WWTR1: variants seen among roughly 807,000 people sequenced by gnomAD.
The protein encoded by WWTR1 is WW domain-containing transcription regulator protein 1.
Under a neutral mutation model 40.1 loss-of-function variants are expected in WWTR1, and 13 were observed. The ratio of observed to expected loss-of-function variants is 0.32; its 90% CI spans 0.21 to 0.52. The LOEUF (loss-of-function observed/expected upper bound fraction) is 0.52. Among genes scored for constraint, WWTR1 ranks in the 20% least tolerant of loss-of-function variants. WWTR1 has a pLI of 0.97. For synonymous variants in WWTR1, 230 were observed against 210.1 expected (o/e 1.09, Z -0.82); for missense variants, 436 against 523.1 (o/e 0.83, Z 1.63).
intron 4 of WWTR1, among the ~76,000 whole-genome samples, chr3:149,719,821 GT>G (rs1402718808): frequency 6.6e-6 from 1 of 152,154 alleles, no homozygotes; most frequent in Non-Finnish European, 1.5e-5. Context: ...GGGTGTCCAG[GT>G]GGCTCTCACT....
chr3:149,637,354 T>C lies in WWTR1; in HGVS notation c.431+19522A>G, dbSNP rs1217249842. 2.0e-5 allele frequency among the ~76,000 whole-genome samples: 3 copies of C among 151,960 alleles called. No homozygotes were observed. The South Asian group carries it at 6.2e-4, about 32-fold the overall frequency. On this transcript the variant is annotated intron_variant, in intron 2 of 6. Transcript: ENST00000360632. ...AATTCTCCTGCCTCAGCCTCCCCAG[T>C]AGCTGGGATTACAGGGGTGTGCCAC...
chr3:149,614,853 T>A (rs1028490145), intron 2 of WWTR1, among the ~76,000 whole-genome samples: 1 of 151,986 alleles, frequency 6.6e-6, no homozygotes, highest in African/African-American at 2.4e-5. Flanking sequence ...TATGGTGGCA[T>A]GCACCTGTAG....
intron 2 of WWTR1, chr3:149,575,947 C>T (rs148610176): frequency 3.3e-4 from 151 of 456,452 alleles, no homozygotes; most frequent in African/African-American, 2.4e-3. Flanking sequence ...GGAGCCTCCA[C>T]GGCCCACCCT....
chr3:149,676,649 C>T (rs1172395415), intron 1 of WWTR1, among the ~76,000 whole-genome samples: 2 of 152,100 alleles, frequency 1.3e-5, no homozygotes, highest in African/African-American at 4.8e-5. Context: ...ATTAGAGAGA[C>T]TAAGTAATTT....
chr3:149,582,029 A>G (rs899726322), intron 2 of WWTR1, among the ~76,000 whole-genome samples: 2 of 152,120 alleles, frequency 1.3e-5, no homozygotes, highest in African/African-American at 4.8e-5. Context: ...GTGGGAAAAA[A>G]AAGTGGCACT....
At chr3:149,700,594 A>AAAATTAAATT (rs147804619) in intron 1 of WWTR1, among the ~76,000 whole-genome samples, 2,922 of 151,874 alleles carry the variant, frequency 0.019, 60 homozygotes, top group South Asian at 0.089. Flanking sequence ...AAAAGACAAA[A>AAAATTAAATT]AAATTAAATT....
At chr3:149,690,471 C>T (rs561956750) in intron 1 of WWTR1, among the ~76,000 whole-genome samples, 38 of 152,064 alleles carry the variant, frequency 2.5e-4, no homozygotes, top group African/African-American at 7.9e-4. Context: ...AGTAGCTATA[C>T]TTAGACAAAA....
At chr3:149,647,375 G>A (rs1208141435) in intron 2 of WWTR1, among the ~76,000 whole-genome samples, 1 of 152,178 alleles carries the variant, frequency 6.6e-6, no homozygotes, top group Non-Finnish European at 1.5e-5. Flanking sequence ...TGAGAGGGAG[G>A]CCACTGGCTG....
Position 149,695,285 on chromosome 3 carries a change from T to A in WWTR1, c.-108+7839A>T, listed in dbSNP as rs368614370. ...GACTACAGCCAACAATAATTTATTG[T>A]ACATTTTAAAATAAGAATATAATCT... On this transcript the variant is annotated intron_variant, in intron 1 of 7. Coordinates refer to the WWTR1 transcript ENST00000465804. Among the ~76,000 whole-genome samples, 11 of 152,258 alleles carry A rather than the reference T, an allele frequency of 7.2e-5. No individual in the cohort carries two copies. The South Asian group carries it at 2.1e-3, about 29-fold the overall frequency.
chr3:149,572,836 T>C, intron 3 of WWTR1, 28 bp downstream of exon 3: 1 of 1,610,488 alleles, frequency 6.2e-7, no homozygotes, highest in Non-Finnish European at 8.5e-7. Context: ...AAATATCTTT[T>C]TTAATTTTAA....
intron 2 of WWTR1, among the ~76,000 whole-genome samples, chr3:149,585,464 T>A (rs1576579468): frequency 6.6e-6 from 1 of 152,158 alleles, no homozygotes; most frequent in Admixed American, 6.5e-5. Context: ...AGTCGAGTAG[T>A]TAAGTAACAA....
Position 149,526,027 on chromosome 3 carries a change from T to C in WWTR1, c.1004A>G (p.Asp335Gly). 1.2e-6 allele frequency: 2 copies of C among 1,602,636 alleles called. No individual in the cohort carries two copies. Among genetic ancestry groups the C allele is most frequent in the Non-Finnish European group, 1.7e-6 (2 of 1,174,206 alleles). ...TTTGCTCCTACCTGTATCCATCTCA[T>C]CCACATTGCTGAGGAAGTCCTCCGG... The part of the protein sequence containing the change: ...TTPEDFLSNV[D>G]EMDTGENAGQ... The change falls in exon 6 of 7, where the codon GAT becomes GGT. Residue 335 changes from aspartate to glycine, a missense_variant. By Grantham distance (94) the Asp-to-Gly change is moderately conservative (BLOSUM62 -1). Transcript: ENST00000360632.
intron 3 of WWTR1, among the ~76,000 whole-genome samples, chr3:149,558,068 A>C (rs950265429): frequency 6.6e-6 from 1 of 152,022 alleles, no homozygotes; most frequent in African/African-American, 2.4e-5. Flanking sequence ...AATGAATGGA[A>C]GCATCATAAT....
At chr3:149,581,962 G>A (rs1236421810) in intron 2 of WWTR1, among the ~76,000 whole-genome samples, 6 of 152,134 alleles carry the variant, frequency 3.9e-5, no homozygotes, top group South Asian at 2.1e-4. Flanking sequence ...AGCCAAATCA[G>A]GACTGTAATA....
chr3:149,535,057 G>C (rs1461441556), intron 4 of WWTR1, among the ~76,000 whole-genome samples: 1 of 152,074 alleles, frequency 6.6e-6, no homozygotes, highest in Non-Finnish European at 1.5e-5. Flanking sequence ...TTGGCTGAGG[G>C]AACACTCTGC....
rs553047169 is a variant in WWTR1, at chr3:149,685,989, T to C, written c.-107-16098A>G. On this transcript the variant is annotated intron_variant, in intron 1 of 7. Transcript: ENST00000465804. Reference sequence around the variant, plus strand: ...CACTTCTTGCTTAAAGATCTTTTTTTGATCTCATGTTCCCTACATGATAAG... The same window carrying C: ...CACTTCTTGCTTAAAGATCTTTTTTCGATCTCATGTTCCCTACATGATAAG... Among the ~76,000 whole-genome samples, 4 of 152,320 alleles carry C rather than the reference T, an allele frequency of 2.6e-5. No individual in the cohort carries two copies. In the South Asian group the frequency reaches 8.3e-4, roughly 32 times the overall value.
chr3:149,617,068 G>A (rs1740009258), intron 2 of WWTR1, among the ~76,000 whole-genome samples: 1 of 152,164 alleles, frequency 6.6e-6, no homozygotes, highest in African/African-American at 2.4e-5. Context: ...TTAAGTTTAT[G>A]TGCCATTTTT....
intron 2 of WWTR1, among the ~76,000 whole-genome samples, chr3:149,600,470 C>G (rs1739192983): frequency 6.6e-6 from 1 of 152,210 alleles, no homozygotes; most frequent in African/African-American, 2.4e-5. Flanking sequence ...CTCTGTCCCT[C>G]CAAGCACCTC....
chr3:149,645,125 G>C (rs1381869679), intron 2 of WWTR1, among the ~76,000 whole-genome samples: 3 of 110,104 alleles, frequency 2.7e-5, no homozygotes, highest in African/African-American at 1.0e-4. Flanking sequence ...TGTCGCCCAG[G>C]CTGGAGTGCA....
Sources: allele counts gnomAD v4.1 joint callset (sites outside exome capture counted in the v4.1 genomes callset), GRCh38; gene constraint gnomAD v4.1.1; transcripts MANE v1.5; gene names NCBI Gene and HGNC (gene_info 2026-07-23, HGNC 2026-07-21).